The following LRGUK variants were observed in gnomAD, a reference collection of about 807,000 sequenced individuals.
LRGUK encodes the protein leucine rich repeats and guanylate kinase domain containing, also known as leucine-rich repeat and guanylate kinase domain-containing protein.
Under a neutral mutation model 76.0 loss-of-function variants are expected in LRGUK, and 65 were observed. The ratio of observed to expected loss-of-function variants is 0.85; its 90% CI spans 0.70 to 1.05. LRGUK has a LOEUF of 1.05. Among genes scored for constraint, LRGUK ranks in the 50% least tolerant of loss-of-function variants. The pLI is 0.00. For synonymous variants in LRGUK, 268 were observed against 265.6 expected (o/e 1.01, Z -0.09); for missense variants, 758 against 732.8 (o/e 1.03, Z -0.40).
At chr7:134,145,300 T>C (rs1797922748) in intron 4 of LRGUK, among the ~76,000 whole-genome samples, 2 of 151,956 alleles carry the variant, frequency 1.3e-5, no homozygotes, top group African/African-American at 4.8e-5. Context: ...CAGGCTGGAG[T>C]GCAATAGCAA....
intron 15 of LRGUK, among the ~76,000 whole-genome samples, chr7:134,207,187 G>A (rs144506829): frequency 3.0e-3 from 453 of 152,014 alleles, no homozygotes; most frequent in African/African-American, 7.0e-3. Context: ...AAAATTTGCC[G>A]TTTTAACCAT....
intron 12 of LRGUK, among the ~76,000 whole-genome samples, chr7:134,193,005 A>G (rs981486540): frequency 1.4e-4 from 22 of 152,176 alleles, no homozygotes; most frequent in Non-Finnish European, 2.9e-5. Context: ...GTACAAAATC[A>G]TGGAACATTT....
intron 1 of LRGUK, among the ~76,000 whole-genome samples, chr7:134,135,271 CAA>C (rs1191020588): frequency 6.6e-6 from 1 of 152,090 alleles, no homozygotes; most frequent in Non-Finnish European, 1.5e-5. Flanking sequence ...GAGTTTGTGA[CAA>C]AGTCTGTCTT....
chr7:134,165,541 A>G (rs11976293), intron 7 of LRGUK, among the ~76,000 whole-genome samples: 20,039 of 152,230 alleles, frequency 0.13, 1,665 homozygotes, highest in East Asian at 0.32. Context: ...CAGTAAAAAG[A>G]TGCAAAGAAA....
At chr7:134,249,107 G>T in intron 18 of LRGUK, 31 bp downstream of exon 18, 2 of 1,531,410 alleles carry the variant, frequency 1.3e-6, no homozygotes, top group East Asian at 2.3e-5. Context: ...GGATGGAATT[G>T]GCTATTTTCT....
exon 4 of LRGUK, chr7:134,143,107 C>A: frequency 1.2e-6 from 2 of 1,610,830 alleles, no homozygotes; most frequent in Non-Finnish European, 8.5e-7. Context: ...GAACTTAATG[C>A]TTCTCAAAAT....
intron 12 of LRGUK, among the ~76,000 whole-genome samples, chr7:134,196,474 G>T (rs1461821112): frequency 6.6e-6 from 1 of 152,188 alleles, no homozygotes; most frequent in Non-Finnish European, 1.5e-5. Flanking sequence ...AACAGGATGG[G>T]TCTGCTTTTT....
At chr7:134,183,833 T>C (rs780695678) in exon 11 of LRGUK, 12 of 1,613,986 alleles carry the variant, frequency 7.4e-6, no homozygotes, top group Non-Finnish European at 7.6e-6. Context: ...GCAGACAGTT[T>C]AGCACTTACT....
At position 134,148,245 on chromosome 7, in the gene LRGUK, AT is replaced by A; in HGVS notation, c.601del (p.Ser201ProfsTer20). The stretch of plus-strand genomic sequence containing the variant: ...TTCTCTTTCTCTTGCCAGAAGGCGG[AT>A]TTTTCCCACAACCAAATTTCTGAAA... On this transcript the variant is annotated frameshift_variant, in exon 5 of 16. Transcript: ENST00000645682. LOFTEE classifies it high-confidence loss of function. 6.2e-7 allele frequency: 1 copy of A among 1,602,234 alleles called. No homozygotes were observed. Among genetic ancestry groups the A allele is most frequent in the Non-Finnish European group, 8.5e-7 (1 of 1,175,132 alleles).
intron 15 of LRGUK, among the ~76,000 whole-genome samples, chr7:134,203,477 T>C (rs902545291): frequency 1.1e-4 from 16 of 152,218 alleles, no homozygotes; most frequent in African/African-American, 3.9e-4. Flanking sequence ...CAATGCTGTT[T>C]TGTAATTTTG....
intron 10 of LRGUK, among the ~76,000 whole-genome samples, chr7:134,182,221 G>C (rs1452026310): frequency 6.6e-6 from 1 of 152,196 alleles, no homozygotes; most frequent in Non-Finnish European, 1.5e-5. Flanking sequence ...TCCATGGCGT[G>C]AAAGTATCAC....
chr7:134,190,780 CATTGGG>C (rs1800174479), intron 11 of LRGUK, among the ~76,000 whole-genome samples: 1 of 131,240 alleles, frequency 7.6e-6, no homozygotes, highest in South Asian at 2.4e-4. Context: ...ATGTGCCAAG[CATTGGG>C]AATGCAGTGG....
chr7:134,168,085 T>A (rs941529846), intron 7 of LRGUK, among the ~76,000 whole-genome samples: 15 of 152,152 alleles, frequency 9.9e-5, no homozygotes, highest in African/African-American at 3.6e-4. Context: ...TGGCCAGGCA[T>A]GGTGACTCAC....
At chr7:134,139,496 C>T in exon 3 of LRGUK, 1 of 1,606,564 alleles carries the variant, frequency 6.2e-7, no homozygotes, top group East Asian at 2.2e-5. Flanking sequence ...GAAGTTGGAT[C>T]TTTCAGCGAA....
intron 10 of LRGUK, among the ~76,000 whole-genome samples, chr7:134,180,312 CCATCCAT>C (rs1799686161): frequency 1.3e-5 from 2 of 151,852 alleles, no homozygotes; most frequent in Non-Finnish European, 2.9e-5. Context: ...ATCCATCCAT[CCATCCAT>C]CCATCCATCC....
intron 11 of LRGUK, among the ~76,000 whole-genome samples, chr7:134,185,358 C>T (rs371594148): frequency 5.3e-5 from 8 of 151,924 alleles, no homozygotes; most frequent in Admixed American, 3.3e-4. Flanking sequence ...GCCAGGAGTT[C>T]GAGACCAGCC....
At chr7:134,148,169 A>G in intron 4 of LRGUK, 69 bp from the exon 5 acceptor site, 1 of 963,668 alleles carries the variant, frequency 1.0e-6, no homozygotes, top group Non-Finnish European at 1.6e-6. Context: ...CTTCTTGCAC[A>G]GTTAATTATT....
chr7:134,146,271 TAAA>T (rs908770001), intron 4 of LRGUK, among the ~76,000 whole-genome samples: 4 of 142,160 alleles, frequency 2.8e-5, no homozygotes, highest in African/African-American at 1.0e-4. Context: ...AGACTCCATC[TAAA>T]AAAAAAAAAG....
intron 11 of LRGUK, among the ~76,000 whole-genome samples, chr7:134,190,809 G>T (rs1314933240): frequency 6.6e-6 from 1 of 152,176 alleles, no homozygotes; most frequent in Non-Finnish European, 1.5e-5. Flanking sequence ...AATAAGACAT[G>T]GTCCTCCCCT....
Sources: allele counts gnomAD v4.1 joint callset (sites outside exome capture counted in the v4.1 genomes callset), GRCh38; gene constraint gnomAD v4.1.1; transcripts MANE v1.5; gene names NCBI Gene and HGNC (gene_info 2026-07-23, HGNC 2026-07-21).